The following CYP4X1 variants were observed in gnomAD, a reference collection of about 807,000 sequenced individuals.
The protein encoded by CYP4X1 is cytochrome P450 family 4 subfamily X member 1.
In CYP4X1, 44 loss-of-function variants were observed where a neutral mutation model predicts 57.9. The ratio of observed to expected loss-of-function variants is 0.76; its 90% CI spans 0.60 to 0.98. The LOEUF (loss-of-function observed/expected upper bound fraction) is 0.98. CYP4X1 is among the 50% of genes least tolerant of loss of function. CYP4X1 has a pLI of 0.00. For synonymous variants in CYP4X1, 227 were observed against 228.6 expected (o/e 0.99, Z 0.06); for missense variants, 532 against 623.9 (o/e 0.85, Z 1.57).
chr1:47,002,798 C>T, the CYP4X1 span, among the ~76,000 whole-genome samples: 1 of 152,120 alleles, frequency 6.6e-6, no homozygotes, highest in African/African-American at 2.4e-5. Context: ...GTGTTTCTGC[C>T]AATATTGTGA....
At chr1:46,984,332 A>G in the CYP4X1 span, among the ~76,000 whole-genome samples, 9 of 144,550 alleles carry the variant, frequency 6.2e-5, no homozygotes, top group Admixed American at 3.6e-4. Context: ...CTCTGGGATG[A>G]TCCCACTGAA....
chr1:46,975,868 T>C, the CYP4X1 span, among the ~76,000 whole-genome samples: 1 of 152,122 alleles, frequency 6.6e-6, no homozygotes, highest in Non-Finnish European at 1.5e-5. Flanking sequence ...CAAAAAAATT[T>C]TTTTTCTTTA....
intron 1 of CYP4X1, 110 bp downstream of exon 1, chr1:47,024,104 C>A (rs748068507): frequency 7.5e-7 from 1 of 1,337,832 alleles, no homozygotes; most frequent in South Asian, 1.5e-5. Context: ...GGGGACCCTC[C>A]GGCTTGCACT....
chr1:47,047,726 C>T (rs1204403889), intron 9 of CYP4X1, among the ~76,000 whole-genome samples: 2 of 152,010 alleles, frequency 1.3e-5, no homozygotes, highest in African/African-American at 4.8e-5. Flanking sequence ...CTCAGCCTCC[C>T]GAGTAGCTGG....
At chr1:46,989,739 T>G in the CYP4X1 span, among the ~76,000 whole-genome samples, 3,661 of 152,166 alleles carry the variant, frequency 0.024, 147 homozygotes, top group African/African-American at 0.084. Flanking sequence ...ACCTCAGAAA[T>G]AACACCACAT....
the CYP4X1 span, chr1:46,961,813 A>G: frequency 7.9e-7 from 1 of 1,268,594 alleles, no homozygotes; most frequent in South Asian, 1.3e-5. Context: ...GTGCTGGATG[A>G]CCTCTGCCCT....
chr1:47,047,833 G>A (rs569056169), intron 9 of CYP4X1, among the ~76,000 whole-genome samples: 10 of 152,096 alleles, frequency 6.6e-5, no homozygotes, highest in Non-Finnish European at 1.2e-4. Context: ...TCCTGATCTC[G>A]AGACCAGCCC....
At chr1:47,025,757 C>A (rs1644056078) in intron 1 of CYP4X1, among the ~76,000 whole-genome samples, 1 of 152,082 alleles carries the variant, frequency 6.6e-6, no homozygotes, top group Non-Finnish European at 1.5e-5. Context: ...TCCAAATATG[C>A]AAACATGCCA....
rs200276615 is a variant in CYP4X1, at chr1:47,040,685, ATG to A, written c.1073+1159_1073+1160del. Among the ~76,000 whole-genome samples, 718 of 152,212 alleles carry A rather than the reference ATG, an allele frequency of 4.7e-3. 11 individuals are homozygous for A. The highest frequency in any genetic ancestry group is 0.047 in the East Asian group (241 of 5,174). On this transcript the variant is annotated intron_variant, in intron 8 of 11. Coordinates refer to ENST00000371901, the MANE Select transcript of CYP4X1 (RefSeq NM_178033.2). ...GCATATACATGTTATATATATATGT[ATG>A]TGTGTATATATATATGATGTACAAC...
chr1:47,052,907 T>G (rs1008197768), downstream of CYP4X1, among the ~76,000 whole-genome samples: 1 of 152,236 alleles, frequency 6.6e-6, no homozygotes, highest in Admixed American at 6.5e-5. Flanking sequence ...TATGGAATTC[T>G]CTATTTCTTT....
chr1:47,035,300 C>G (rs1401755751), intron 4 of CYP4X1, among the ~76,000 whole-genome samples: 1 of 152,054 alleles, frequency 6.6e-6, no homozygotes, highest in African/African-American at 2.4e-5. Flanking sequence ...CTGGGGGCAG[C>G]TCCCTGCAGC....
At chr1:47,011,376 T>C in the CYP4X1 span, among the ~76,000 whole-genome samples, 1 of 152,198 alleles carries the variant, frequency 6.6e-6, no homozygotes, top group Non-Finnish European at 1.5e-5. Context: ...TGAAACTGGA[T>C]CTCTTCCTTA....
rs1557599741 is a variant in CYP4X1, at chr1:47,023,837, AGACGCGCTGG to A, written c.22_31del (p.Thr8ArgfsTer93). The A allele has an allele frequency of 1.2e-6, 2 of 1,613,240 alleles. No homozygotes were observed. The highest frequency in any genetic ancestry group is 2.2e-5 in the East Asian group (1 of 44,872). ...AGAGCCATGGAATTCTCCTGGCTGG[AGACGCGCTGG>A]GCGCGGCCCTTTTACCTGGCGTTCG... is the stretch of plus-strand genomic sequence containing the variant. On this transcript the variant is annotated frameshift_variant, in exon 1 of 12. Transcript: ENST00000371901. LOFTEE classifies it high-confidence loss of function.
At chr1:47,044,728 C>A (rs1644282409) in intron 8 of CYP4X1, among the ~76,000 whole-genome samples, 1 of 152,002 alleles carries the variant, frequency 6.6e-6, no homozygotes, top group Non-Finnish European at 1.5e-5. Flanking sequence ...ATGTCTTTAC[C>A]TCTGCTTCAT....
chr1:46,978,571 CAGA>C, the CYP4X1 span, among the ~76,000 whole-genome samples: 1 of 151,992 alleles, frequency 6.6e-6, no homozygotes, highest in Non-Finnish European at 1.5e-5. Flanking sequence ...ATCAATGAGA[CAGA>C]AGGTTAACAA....
At chr1:47,052,890 G>C (rs891043006), downstream of CYP4X1, among the ~76,000 whole-genome samples, 5 of 151,892 alleles carry the variant, frequency 3.3e-5, no homozygotes, top group African/African-American at 4.8e-5. Context: ...GTTTATGCTT[G>C]TTTTTCTATG....
At chr1:46,993,493 C>T in the CYP4X1 span, among the ~76,000 whole-genome samples, 10 of 152,290 alleles carry the variant, frequency 6.6e-5, no homozygotes, top group South Asian at 4.1e-4. Context: ...TTCTAGATCC[C>T]TGAGGAATCA....
chr1:46,982,878 TC>T, the CYP4X1 span, among the ~76,000 whole-genome samples: 1 of 152,264 alleles, frequency 6.6e-6, no homozygotes, highest in East Asian at 1.9e-4. Flanking sequence ...TTTTGTTACC[TC>T]CCCATCTTGG....
At chr1:46,983,936 T>C in the CYP4X1 span, among the ~76,000 whole-genome samples, 1 of 152,030 alleles carries the variant, frequency 6.6e-6, no homozygotes, top group African/African-American at 2.4e-5. Context: ...CTCAGCATCA[T>C]TGGTACAGCC....
Sources: gnomAD v4.1 joint callset for allele counts (sites outside exome capture counted in the v4.1 genomes callset) on GRCh38, gnomAD v4.1.1 for gene constraint, MANE v1.5 for transcripts, NCBI Gene and HGNC (gene_info 2026-07-23, HGNC 2026-07-21) for gene names.